IL1RAPL2: variants seen among roughly 807,000 people sequenced by gnomAD.
The protein encoded by IL1RAPL2 is interleukin 1 receptor accessory protein like 2.
In IL1RAPL2, 3 loss-of-function variants were observed where a neutral mutation model predicts 44.1. The ratio of observed to expected loss-of-function variants is 0.07; its 90% CI spans 0.03 to 0.18. The LOEUF is 0.18. IL1RAPL2 is among the 10% of genes least tolerant of loss of function. The pLI, the probability that IL1RAPL2 is intolerant of heterozygous loss-of-function variation, is 1.00. For synonymous variants in IL1RAPL2, 181 were observed against 178.8 expected, an observed-to-expected ratio of 1.01 and a Z score of -0.10; for missense variants, 391 against 496.4, an observed-to-expected ratio of 0.79 and a Z score of 2.02.
intron 5 of IL1RAPL2, among the ~76,000 whole-genome samples, chrX:105,412,585 G>A (rs1450340655): frequency 2.7e-5 from 3 of 110,774 alleles, no homozygotes; most frequent in Admixed American, 9.7e-5. Context: ...AGGATGTGGC[G>A]AAGTTGGTCA....
intron 2 of IL1RAPL2, among the ~76,000 whole-genome samples, chrX:104,776,106 A>G (rs1188159683): frequency 1.8e-5 from 2 of 112,082 alleles, no homozygotes; most frequent in African/African-American, 6.5e-5. Flanking sequence ...TTACATATAC[A>G]TATTCCCTTA....
At chrX:105,112,888 C>T (rs748101391) in intron 2 of IL1RAPL2, among the ~76,000 whole-genome samples, 82 of 112,711 alleles carry the variant, frequency 7.3e-4, no homozygotes, top group Middle Eastern at 4.6e-3. Flanking sequence ...GTTCACTCTT[C>T]ATTGTTTTCC....
At chrX:105,482,552 G>T (rs1199124256) in intron 5 of IL1RAPL2, among the ~76,000 whole-genome samples, 1 of 111,723 alleles carries the variant, frequency 9.0e-6, no homozygotes. Flanking sequence ...CAGGTATTAG[G>T]AAGAGAAAGC....
chrX:105,176,962 A>G (rs2033479662), intron 2 of IL1RAPL2, among the ~76,000 whole-genome samples: 1 of 111,282 alleles, frequency 9.0e-6, no homozygotes, highest in African/African-American at 3.3e-5. Flanking sequence ...ATTTGAACAG[A>G]TACATGAAGA....
chrX:105,376,668 T>C (rs1030216700), intron 5 of IL1RAPL2, among the ~76,000 whole-genome samples: 6 of 112,138 alleles, frequency 5.4e-5, no homozygotes, highest in Non-Finnish European at 9.4e-5. Context: ...TATGTATTTC[T>C]GTTATTCTTT....
chrX:105,628,904 C>A (rs1004916867), intron 6 of IL1RAPL2, among the ~76,000 whole-genome samples: 13 of 107,847 alleles, frequency 1.2e-4, no homozygotes, highest in Non-Finnish European at 2.5e-4. Context: ...GATTGTGCCA[C>A]TGCACTCCAG....
At chrX:105,037,270 G>A (rs1173939099) in intron 2 of IL1RAPL2, among the ~76,000 whole-genome samples, 1 of 111,679 alleles carries the variant, frequency 9.0e-6, no homozygotes, top group Non-Finnish European at 1.9e-5. Context: ...AAGGCTACAG[G>A]AAAATTGAGG....
intron 1 of IL1RAPL2, among the ~76,000 whole-genome samples, chrX:104,631,942 C>T (rs1929660396): frequency 9.1e-6 from 1 of 110,138 alleles, no homozygotes; most frequent in Non-Finnish European, 1.9e-5. Context: ...ATGGTATTGC[C>T]TAGGTTTTCT....
chrX:105,449,229 G>A (rs2035999482), intron 5 of IL1RAPL2, among the ~76,000 whole-genome samples: 1 of 111,220 alleles, frequency 9.0e-6, no homozygotes, highest in South Asian at 3.8e-4. Flanking sequence ...TGGGCCCCAA[G>A]CTCAATGGCA....
chrX:105,032,192 A>G (rs779556347), intron 2 of IL1RAPL2, among the ~76,000 whole-genome samples: 2 of 109,850 alleles, frequency 1.8e-5, no homozygotes, highest in Admixed American at 9.8e-5. Flanking sequence ...TGGATTCATT[A>G]ATTTTTTGAA....
At chrX:105,076,924 A>G (rs1326771085) in intron 2 of IL1RAPL2, among the ~76,000 whole-genome samples, 5 of 109,143 alleles carry the variant, frequency 4.6e-5, no homozygotes, top group Non-Finnish European at 9.5e-5. Flanking sequence ...CTTTATTTTG[A>G]GTCTATGTGT....
intron 5 of IL1RAPL2, among the ~76,000 whole-genome samples, chrX:105,443,550 C>T (rs1202375824): frequency 9.0e-6 from 1 of 111,685 alleles, no homozygotes; most frequent in Non-Finnish European, 1.9e-5. Flanking sequence ...TCTATCACCA[C>T]GAATTTAAAT....
chrX:105,425,663 G>A (rs902861402), intron 5 of IL1RAPL2, among the ~76,000 whole-genome samples: 60 of 110,004 alleles, frequency 5.5e-4, no homozygotes, highest in African/African-American at 1.9e-3. Context: ...CTGACAGAGT[G>A]TCCTGACCTT....
chrX:105,033,656 A>C, intron 2 of IL1RAPL2, among the ~76,000 whole-genome samples: 1 of 110,537 alleles, frequency 9.0e-6, no homozygotes, highest in Non-Finnish European at 1.9e-5. Flanking sequence ...TGCCCTTAAC[A>C]TTTTTTCCTT....
chrX:105,220,958 C>A (rs1448253142), intron 3 of IL1RAPL2, among the ~76,000 whole-genome samples: 1 of 112,015 alleles, frequency 8.9e-6, no homozygotes, highest in Admixed American at 9.4e-5. Context: ...CCCATGCCAA[C>A]GGCTAGTAGG....
intron 2 of IL1RAPL2, among the ~76,000 whole-genome samples, chrX:105,181,623 A>G (rs782016759): frequency 8.9e-6 from 1 of 112,158 alleles, no homozygotes; most frequent in Non-Finnish European, 1.9e-5. Context: ...TACAACTTCC[A>G]AAGTTCCTCT....
At chrX:105,555,196 G>A (rs1248217894) in intron 6 of IL1RAPL2, among the ~76,000 whole-genome samples, 1 of 107,995 alleles carries the variant, frequency 9.3e-6, no homozygotes, top group Non-Finnish European at 1.9e-5. Flanking sequence ...GAGTAACTTC[G>A]TTTTCTCCAC....
chrX:105,435,607 G>A (rs1240250386), intron 5 of IL1RAPL2, among the ~76,000 whole-genome samples: 1 of 111,647 alleles, frequency 9.0e-6, no homozygotes, highest in Non-Finnish European at 1.9e-5. Flanking sequence ...GTTTACTGCA[G>A]CATTATTCAC....
At chrX:105,397,659 T>A (rs999642902) in intron 5 of IL1RAPL2, among the ~76,000 whole-genome samples, 2 of 111,121 alleles carry the variant, frequency 1.8e-5, no homozygotes, top group Non-Finnish European at 3.8e-5. Context: ...AAAGAATAAG[T>A]GAGGGGATAA....
Sources: gnomAD v4.1 joint callset for allele counts (sites outside exome capture counted in the v4.1 genomes callset) on GRCh38, gnomAD v4.1.1 for gene constraint, MANE v1.5 for transcripts, NCBI Gene and HGNC (gene_info 2026-07-23, HGNC 2026-07-21) for gene names.